CPNE2: variants seen among roughly 807,000 people sequenced by gnomAD.
CPNE2 encodes the protein copine-2.
CPNE2 carries 42 observed loss-of-function variants against 69.7 expected under a neutral mutation model. The ratio of observed to expected loss-of-function variants is 0.60; its 90% CI spans 0.47 to 0.78. The LOEUF (loss-of-function observed/expected upper bound fraction) is 0.78. Among genes scored for constraint, CPNE2 ranks in the 30% least tolerant of loss-of-function variants. The pLI is 0.00. For missense variants in CPNE2, 587 were observed against 732.0 expected, an observed-to-expected ratio of 0.80 and a Z score of 2.29; for synonymous variants, 294 against 289.8, an observed-to-expected ratio of 1.01 and a Z score of -0.15.
At chr16:57,103,059 G>A (rs1226908465) in intron 1 of CPNE2, among the ~76,000 whole-genome samples, 3 of 152,128 alleles carry the variant, frequency 2.0e-5, no homozygotes, top group South Asian at 2.1e-4. Flanking sequence ...GGTACTGACC[G>A]TGACCAGGCA....
chr16:57,147,545 C>T lies in CPNE2; in HGVS notation c.1540-6C>T. The stretch of plus-strand genomic sequence containing the variant: ...CTTCCCCACCCCACCCTCCTCCACC[C>T]TGCAGGCAGCAAAAGAGACCTTGGC... On this transcript the variant is annotated splice_region_variant and splice_polypyrimidine_tract_variant and intron_variant, in intron 15 of 15. Coordinates refer to ENST00000290776, the MANE Select transcript of CPNE2 (RefSeq NM_152727.6). 6.3e-7 allele frequency: 1 copy of T among 1,593,624 alleles called. No individual in the cohort carries two copies. Among genetic ancestry groups the T allele is most frequent in the East Asian group, 2.3e-5 (1 of 44,320 alleles).
chr16:57,122,164 C>T (rs1343284486), intron 9 of CPNE2, among the ~76,000 whole-genome samples: 3 of 152,226 alleles, frequency 2.0e-5, no homozygotes, highest in African/African-American at 4.8e-5. Context: ...ATGGTACAGC[C>T]GGGGCCACTG....
chr16:57,123,629 A>G, intron 10 of CPNE2, 156 bp downstream of exon 10: 2 of 753,932 alleles, frequency 2.7e-6, no homozygotes, highest in Non-Finnish European at 4.4e-6. Flanking sequence ...AGGAGGGCAT[A>G]AGTGGGCTGT....
At chr16:57,114,759 T>G (rs2069705659) in intron 3 of CPNE2, among the ~76,000 whole-genome samples, 1 of 151,794 alleles carries the variant, frequency 6.6e-6, no homozygotes, top group Admixed American at 6.6e-5. Context: ...GTTGTTTTGA[T>G]TATTGCACCC....
intron 10 of CPNE2, 77 bp from the exon 11 acceptor site, chr16:57,125,783 C>T (rs1333939921): frequency 3.8e-6 from 6 of 1,566,606 alleles, no homozygotes; most frequent in South Asian, 3.5e-5. Context: ...TCCCATCTAC[C>T]TCTCCTATTC....
In CPNE2 at chr16:57,110,758, A is replaced by G. The variant is rs751123796; in HGVS notation, c.16A>G (p.Ser6Gly). The G allele has an allele frequency of 1.9e-6, 3 of 1,611,614 alleles. No homozygotes were observed. Among genetic ancestry groups the G allele is most frequent in the Non-Finnish European group, 1.7e-6 (2 of 1,178,834 alleles). Residue 6 changes from serine to glycine, a missense_variant, in exon 2 of 16, where the codon AGT becomes GGT. Around this residue, in one of 5 missense-constraint regions of CPNE2, gnomAD observed 96 missense variants for 94.9 expected, o/e 1.01. Transcript: ENST00000290776. ...ACCGGCTCCCATGGCCCACATACCC[A>G]GTGGGGGTGCCCCAGCAGCGGGGGC... The part of the protein sequence containing the change: MAHIP[S>G]GGAPAAGAAP...
chr16:57,110,644 C>A, intron 1 of CPNE2, 64 bp from the exon 2 acceptor site: 3 of 1,121,944 alleles, frequency 2.7e-6, no homozygotes, highest in Non-Finnish European at 3.6e-6. Context: ...GGTAATGCCT[C>A]CCTATGGTGG....
chr16:57,122,208 G>T (rs1202451714), intron 9 of CPNE2, among the ~76,000 whole-genome samples: 2 of 152,376 alleles, frequency 1.3e-5, no homozygotes. Context: ...CATGTCAGCA[G>T]TGGCCAGGCT....
intron 4 of CPNE2, among the ~76,000 whole-genome samples, chr16:57,116,678 C>T (rs2069721529): frequency 6.6e-6 from 1 of 152,186 alleles, no homozygotes; most frequent in Non-Finnish European, 1.5e-5. Context: ...AGGCCTCCAT[C>T]CCGTCCCCTG....
intron 4 of CPNE2, 24 bp from the exon 5 acceptor site, chr16:57,117,472 G>A (rs142860468): frequency 1.8e-5 from 29 of 1,608,846 alleles, no homozygotes; most frequent in Middle Eastern, 1.7e-4. Flanking sequence ...AGTCTGAGGA[G>A]CCCCTCATGT....
In CPNE2 at chr16:57,130,595, C is replaced by A. The variant is rs988566643; in HGVS notation, c.1116+2692C>A. On this transcript the variant is annotated intron_variant, in intron 12 of 15. Coordinates refer to ENST00000290776, the MANE Select transcript of CPNE2 (RefSeq NM_152727.6). The surrounding 1 kb of genome is among the most constrained non-coding windows in gnomAD (Gnocchi z 4.1). Reference sequence around the variant, plus strand: ...CTCACCAAAGCCAATGAGGTAGGCCCTGTTATGAACCCATTTTGATCGTTG... The same window carrying A: ...CTCACCAAAGCCAATGAGGTAGGCCATGTTATGAACCCATTTTGATCGTTG... 7.9e-5 allele frequency among the ~76,000 whole-genome samples: 12 copies of A among 152,008 alleles called. No individual in the cohort carries two copies. Among genetic ancestry groups the A allele is most frequent in the Non-Finnish European group, 5.9e-5 (4 of 68,020 alleles).
chr16:57,114,094 C>T (rs1262980722), intron 3 of CPNE2, among the ~76,000 whole-genome samples: 1 of 152,196 alleles, frequency 6.6e-6, no homozygotes, highest in Non-Finnish European at 1.5e-5. Context: ...CTGAAATGCC[C>T]GGGGCCTTCC....
At chr16:57,103,703 T>TC (rs1250854929) in intron 1 of CPNE2, among the ~76,000 whole-genome samples, 2 of 151,752 alleles carry the variant, frequency 1.3e-5, no homozygotes, top group Non-Finnish European at 2.9e-5. Flanking sequence ...AAGTTGGAGG[T>TC]CCCCCCACCC....
At chr16:57,112,801 C>T (rs1461879299) in intron 2 of CPNE2, 2 of 153,340 alleles carry the variant, frequency 1.3e-5, no homozygotes, top group African/African-American at 4.8e-5. Context: ...AGAATCCTCC[C>T]TGCTTTCTGT....
At chr16:57,137,111 G>A in intron 13 of CPNE2, 38 bp from the exon 14 acceptor site, 2 of 1,608,564 alleles carry the variant, frequency 1.2e-6, no homozygotes, top group Non-Finnish European at 1.7e-6. Context: ...TATGGGGTCA[G>A]GGAGACCTGG....
At chr16:57,111,791 A>G (rs2069683443) in intron 2 of CPNE2, among the ~76,000 whole-genome samples, 1 of 152,206 alleles carries the variant, frequency 6.6e-6, no homozygotes, top group Non-Finnish European at 1.5e-5. Flanking sequence ...GAGCTGGAAG[A>G]CTTTGGCTTG....
chr16:57,112,210 G>C (rs2069685744), intron 2 of CPNE2, among the ~76,000 whole-genome samples: 1 of 152,160 alleles, frequency 6.6e-6, no homozygotes, highest in African/African-American at 2.4e-5. Context: ...AGGGGCCCCA[G>C]AGTGGGTAGG....
intron 4 of CPNE2, among the ~76,000 whole-genome samples, chr16:57,116,420 G>A (rs1447649477): frequency 6.6e-6 from 1 of 152,098 alleles, no homozygotes; most frequent in African/African-American, 2.4e-5. Flanking sequence ...CAGGTGCATG[G>A]CTTGCACCTG....
chr16:57,114,883 A>T (rs2069706682), intron 3 of CPNE2, among the ~76,000 whole-genome samples: 1 of 136,448 alleles, frequency 7.3e-6, no homozygotes, highest in African/African-American at 2.8e-5. Flanking sequence ...AGATCGCTTG[A>T]GCCTGGAGTT....
Sources: allele counts gnomAD v4.1 joint callset (sites outside exome capture counted in the v4.1 genomes callset), GRCh38; gene constraint gnomAD v4.1.1; regional missense constraint gnomAD v4.1.1; non-coding constraint Gnocchi (gnomAD v3.1); transcripts MANE v1.5; gene names NCBI Gene and HGNC (gene_info 2026-07-23, HGNC 2026-07-21).